Variants in GPR12 observed in about 807,000 individuals in gnomAD.
GPR12 encodes the protein G protein-coupled receptor 12.
A neutral mutation model predicts 18.9 loss-of-function variants in GPR12; 7 were observed. That is an observed-to-expected ratio of 0.37 (90% CI 0.21 to 0.70). The LOEUF is 0.70. Ranked by LOEUF, GPR12 falls within the 30% of genes least tolerant of loss-of-function variation. The probability of loss-of-function intolerance (pLI) is 0.54; values close to 1 mark genes in which losing one functional copy is unlikely to be tolerated. For missense variants in GPR12, 327 were observed against 427.7 expected (o/e 0.76, Z 2.08); for synonymous variants, 201 against 188.6 (o/e 1.07, Z -0.54).
chr13:26,758,635 A>G lies in GPR12; in HGVS notation c.*188T>C. On this transcript the variant is annotated 3_prime_UTR_variant, in exon 2 of 2. Coordinates refer to ENST00000405846, the MANE Select transcript of GPR12 (RefSeq NM_005288.4). ...CTCAACAATTTTTTTTAATGGTGAAAACACTGGTAACATTATTTTCACTTC... is the reference window on the plus strand; with the variant it reads ...CTCAACAATTTTTTTTAATGGTGAAGACACTGGTAACATTATTTTCACTTC... 1 of 904,992 alleles carries G rather than the reference A, an allele frequency of 1.1e-6. No individual in the cohort carries two copies. The highest frequency in any genetic ancestry group is 1.6e-6 in the Non-Finnish European group (1 of 631,894). 56.1% of individuals were successfully genotyped at this position (904,992 alleles called of 1,614,324 possible).
At position 26,759,099 on chromosome 13, in the gene GPR12, A is replaced by C; in HGVS notation, c.729T>G (p.Tyr243Ter). Residue 243 changes from tyrosine (Y) to a stop codon, truncating the protein, a stop_gained, in exon 2 of 2, where the codon TAT becomes TAG. Transcript: ENST00000405846. LOFTEE classifies it high-confidence loss of function. The part of the protein sequence containing the change: ...LQHHFLATSH[Y>*]VTTRKGVSTL... ...TGGAGACCCCTTTCCGGGTGGTCAC[A>C]TAGTGCGACGTGGCCAGGAAGTGGT... The C allele has an allele frequency of 6.2e-7, 1 of 1,613,960 alleles. No homozygotes were observed. Among genetic ancestry groups the C allele is most frequent in the Non-Finnish European group, 8.5e-7 (1 of 1,179,978 alleles).
rs1057035863 is a variant in GPR12 at position 26,756,888 on chromosome 13, T to G, written c.*1935A>C. 1 of 152,194 alleles carries G rather than the reference T, an allele frequency of 6.6e-6. No homozygotes were observed. Among genetic ancestry groups the G allele is most frequent in the African/African-American group, 2.4e-5 (1 of 41,442 alleles). The allele number at this position is 152,194 out of a possible 1,614,324, so 9.4% of individuals were successfully genotyped here. On this transcript the variant is annotated 3_prime_UTR_variant, in exon 2 of 2. Transcript: ENST00000405846. ...TCCTTTAAAACCTCATTACGGATAT[T>G]TCCTAGCCCCTCTCAAAACCAACTT...
Position 26,757,131 on chromosome 13 carries a change from G to A in GPR12, c.*1692C>T, listed in dbSNP as rs574242384. 3 of 152,120 alleles carry A rather than the reference G, an allele frequency of 2.0e-5. No individual in the cohort carries two copies. Among genetic ancestry groups the A allele is most frequent in the Non-Finnish European group, 4.4e-5 (3 of 68,030 alleles). 9.4% of individuals were successfully genotyped at this position (152,120 alleles called of 1,614,324 possible). On this transcript the variant is annotated 3_prime_UTR_variant, in exon 2 of 2. Coordinates refer to ENST00000405846, the MANE Select transcript of GPR12 (RefSeq NM_005288.4). ...CTCCTGCTTCCATAAGTAACCTCAG[G>A]GAGGAGACACAGATTCAAGTAGAGG...
chr13:26,759,228 G>A lies in GPR12; in HGVS notation c.600C>T (p.Ala200=), dbSNP rs745746976. The change falls in exon 2 of 2, where the codon GCC becomes GCT. Residue 200 remains alanine (A), a synonymous_variant. Transcript: ENST00000405846. ...VVRPLTKNNA[A]ILSVSFLFMF... ...TGAAGAGGAAGGACACCGAGAGGAT[G>A]GCCGCGTTGTTCTTGGTGAGCGGTC... 1.2e-6 allele frequency: 2 copies of A among 1,612,958 alleles called. No individual in the cohort carries two copies. Among genetic ancestry groups the A allele is most frequent in the East Asian group, 2.2e-5 (1 of 44,858 alleles).
Position 26,759,409 on chromosome 13 carries a change from A to T in GPR12, c.419T>A (p.Leu140His). 1.9e-6 allele frequency: 3 copies of T among 1,613,992 alleles called. No homozygotes were observed. The highest frequency in any genetic ancestry group is 2.5e-6 in the Non-Finnish European group (3 of 1,180,004). ...GTACGTCAGAGCGTAGTACAGTGAG[A>T]GGTAGCGGTCAACAGTGATAGCCAG... is the stretch of plus-strand genomic sequence containing the variant. The part of the protein sequence containing the change: ...SLLAITVDRY[L>H]SLYYALTYHS... The change falls in exon 2 of 2, where the codon CTC (leucine) becomes CAC (histidine). Residue 140 changes from leucine to histidine, a missense_variant. Physicochemically the swap from Leu to His is moderately conservative, Grantham distance 99. Coordinates refer to ENST00000405846, the MANE Select transcript of GPR12 (RefSeq NM_005288.4).
intron 1 of GPR12, chr13:26,760,227 G>T (rs1192686490): frequency 1.1e-5 from 2 of 177,940 alleles, no homozygotes; most frequent in Non-Finnish European, 2.7e-5. Context: ...AAAACCACGC[G>T]GCAGCGGCAG....
Position 26,757,046 on chromosome 13 carries a change from T to C in GPR12, c.*1777A>G, listed in dbSNP as rs137982629. 6.6e-6 allele frequency: 1 copy of C among 152,324 alleles called. No individual in the cohort carries two copies. The highest frequency in any genetic ancestry group is 2.4e-5 in the African/African-American group (1 of 41,572). 9.4% of individuals were successfully genotyped at this position (152,324 alleles called of 1,614,324 possible). A position where few individuals can be genotyped will look rare whatever the true frequency, so the allele number is the denominator to read the frequency against. On this transcript the variant is annotated 3_prime_UTR_variant, in exon 2 of 2. Coordinates refer to ENST00000405846, the MANE Select transcript of GPR12 (RefSeq NM_005288.4). ...TTTTAAAGGCATCAGTTTTATTAGA[T>C]TGATCATACAGTGGTATGTATTGAA...
chr13:26,755,794 A>C lies in GPR12; in HGVS notation c.*3029T>G, dbSNP rs746024374. The C allele has an allele frequency of 2.6e-5, 4 of 152,236 alleles. No individual in the cohort carries two copies. Among genetic ancestry groups the C allele is most frequent in the Non-Finnish European group, 5.9e-5 (4 of 68,036 alleles). 9.4% of individuals were successfully genotyped at this position (152,236 alleles called of 1,614,324 possible). On this transcript the variant is annotated 3_prime_UTR_variant, in exon 2 of 2. Coordinates refer to ENST00000405846, the MANE Select transcript of GPR12 (RefSeq NM_005288.4). ...TGGAACTGTCCTAGTTACAAGGATA[A>C]CTGTTTCTACTGGAAAAATATCAAT...
At position 26,757,463 on chromosome 13, in the gene GPR12, C is replaced by T. The variant is rs1323297753; in HGVS notation, c.*1360G>A. On this transcript the variant is annotated 3_prime_UTR_variant, in exon 2 of 2. Transcript: ENST00000405846. ...GCATGAACAGAAAAGAAACCTGAGA[C>T]ACATCGATTTTACAATGTGTTTAAA... The T allele has an allele frequency of 6.6e-6, 1 of 152,232 alleles. No homozygotes were observed. Among genetic ancestry groups the T allele is most frequent in the Non-Finnish European group, 1.5e-5 (1 of 68,044 alleles). The allele number at this position is 152,232 out of a possible 1,614,324, so 9.4% of individuals were successfully genotyped here. A position where few individuals can be genotyped will look rare whatever the true frequency, so the allele number is the denominator to read the frequency against.
Position 26,759,159 on chromosome 13 carries a change from A to G in GPR12, c.669T>C (p.Ile223=), listed in dbSNP as rs1257675509. ...MLQLYIQICK[I]VMRHAHQIAL... is the part of the protein sequence containing the mutation. Reference sequence around the variant, plus strand: ...CTATCTGATGGGCGTGCCTCATCACAATCTTACAGATCTGGATGTAGAGCT... The same window carrying G: ...CTATCTGATGGGCGTGCCTCATCACGATCTTACAGATCTGGATGTAGAGCT... The change falls in exon 2 of 2, where the codon ATT becomes ATC. Residue 223 remains isoleucine (I), a synonymous_variant. Coordinates refer to ENST00000405846, the MANE Select transcript of GPR12 (RefSeq NM_005288.4). The G allele has an allele frequency of 6.2e-7, 1 of 1,613,518 alleles. No individual in the cohort carries two copies. The highest frequency in any genetic ancestry group is 2.2e-5 in the East Asian group (1 of 44,860).
Position 26,759,541 on chromosome 13 carries a change from C to G in GPR12, c.287G>C (p.Gly96Ala). The G allele has an allele frequency of 6.2e-7, 1 of 1,614,154 alleles. No homozygotes were observed. The highest frequency in any genetic ancestry group is 8.5e-7 in the Non-Finnish European group (1 of 1,180,048). The change falls in exon 2 of 2, where the codon GGA becomes GCA. Residue 96 changes from glycine (G) to alanine (A), a missense_variant. Gly to Ala is a moderately conservative substitution (Grantham distance 60, BLOSUM62 0). Coordinates refer to ENST00000405846, the MANE Select transcript of GPR12 (RefSeq NM_005288.4). ...GGCAAAAACAAAATTGGTGATGAGTCCAATGCCGGCCAGCAGGTCTGCAAG... is the reference window on the plus strand; with the variant it reads ...GGCAAAAACAAAATTGGTGATGAGTGCAATGCCGGCCAGCAGGTCTGCAAG... Reference protein sequence around the residue: ...LALADLLAGIGLITNFVFAYL... With the variant: ...LALADLLAGIALITNFVFAYL...
rs766506720 is a variant in GPR12 at position 26,759,816 on chromosome 13, G to A, written c.12C>T (p.Asp4=). Residue 4 remains aspartate, a synonymous_variant, in exon 2 of 2, where the codon GAC becomes GAT. Transcript: ENST00000405846. ...GCAGCCCGCTTAAATTGACCTTCAGGTCTTCATTCATTTTAACCCCTGTCC... is the reference window on the plus strand; with the variant it reads ...GCAGCCCGCTTAAATTGACCTTCAGATCTTCATTCATTTTAACCCCTGTCC... MNE[D]LKVNLSGLPR... 1 of 1,581,968 alleles carries A rather than the reference G, an allele frequency of 6.3e-7. No individual in the cohort carries two copies. Among genetic ancestry groups the A allele is most frequent in the African/African-American group, 1.4e-5 (1 of 73,796 alleles).
intron 1 of GPR12, chr13:26,760,349 C>T (rs1489481870): frequency 6.0e-6 from 1 of 166,452 alleles, no homozygotes. Flanking sequence ...CAAACGCACC[C>T]CCGACCGGAA....
Position 26,758,431 on chromosome 13 carries a change from T to C in GPR12, c.*392A>G, listed in dbSNP as rs1780786744. ...CTGGAAAAAGTAAGTCTTTCTCAAT[T>C]TTCCTCAATCACTCAAATTTATTTT... On this transcript the variant is annotated 3_prime_UTR_variant, in exon 2 of 2. Coordinates refer to ENST00000405846, the MANE Select transcript of GPR12 (RefSeq NM_005288.4). 1 of 167,794 alleles carries C rather than the reference T, an allele frequency of 6.0e-6. No homozygotes were observed. The highest frequency in any genetic ancestry group is 1.3e-5 in the Non-Finnish European group (1 of 78,434). The allele number at this position is 167,794 out of a possible 1,614,324, so 10.4% of individuals were successfully genotyped here.
In GPR12 at chr13:26,758,970, G is replaced by T; in HGVS notation, c.858C>A (p.Thr286=). ...TGGAATTGTAGGTGGCGGGCAGGAG[G>T]GTGGCGTAGGTATAGATGGAGGGGT... The part of the protein sequence containing the change: ...YTYPSIYTYA[T]LLPATYNSII... Residue 286 remains threonine, a synonymous_variant, in exon 2 of 2, where the codon ACC becomes ACA. Coordinates refer to ENST00000405846, the MANE Select transcript of GPR12 (RefSeq NM_005288.4). 1 of 1,614,084 alleles carries T rather than the reference G, an allele frequency of 6.2e-7. No homozygotes were observed. Among genetic ancestry groups the T allele is most frequent in the South Asian group, 1.1e-5 (1 of 91,072 alleles).
In GPR12 at chr13:26,759,807, G is replaced by C. The variant is rs947107332; in HGVS notation, c.21C>G (p.Val7=). 2 of 1,589,724 alleles carry C rather than the reference G, an allele frequency of 1.3e-6. No homozygotes were observed. The highest frequency in any genetic ancestry group is 3.5e-5 in the Admixed American group (2 of 57,738). The change falls in exon 2 of 2, where the codon GTC becomes GTG. Residue 7 remains valine, a synonymous_variant. Coordinates refer to ENST00000405846, the MANE Select transcript of GPR12 (RefSeq NM_005288.4). MNEDLK[V]NLSGLPRDYL... Reference sequence around the variant, plus strand: ...AATCCCGAGGCAGCCCGCTTAAATTGACCTTCAGGTCTTCATTCATTTTAA... The same window carrying C: ...AATCCCGAGGCAGCCCGCTTAAATTCACCTTCAGGTCTTCATTCATTTTAA...
intron 1 of GPR12, chr13:26,760,328 G>C (rs1009196162): frequency 5.9e-6 from 1 of 168,662 alleles, no homozygotes; most frequent in Non-Finnish European, 1.4e-5. Context: ...CCCCGCGCGC[G>C]TGCACATCCT....
Position 26,759,393 on chromosome 13 carries a change from A to T in GPR12, c.435T>A (p.Ala145=), listed in dbSNP as rs1365461058. ...CCGTCCTCTCCGAATGGTACGTCAG[A>T]GCGTAGTACAGTGAGAGGTAGCGGT... ...TVDRYLSLYY[A]LTYHSERTVT... The change falls in exon 2 of 2, where the codon GCT becomes GCA. Residue 145 remains alanine, a synonymous_variant. Transcript: ENST00000405846. 4 of 1,614,018 alleles carry T rather than the reference A, an allele frequency of 2.5e-6. No homozygotes were observed. The East Asian group carries it at 8.9e-5, about 36-fold the overall frequency.
chr13:26,758,934 A>T lies in GPR12; in HGVS notation c.894T>A (p.Pro298=). 1 of 1,614,118 alleles carries T rather than the reference A, an allele frequency of 6.2e-7. No homozygotes were observed. Among genetic ancestry groups the T allele is most frequent in the Non-Finnish European group, 8.5e-7 (1 of 1,180,014 alleles). The change falls in exon 2 of 2, where the codon CCT becomes CCA. Residue 298 remains proline (P), a synonymous_variant. Transcript: ENST00000405846. ...CTTGGTTTCTGAAAGCATATATGAC[A>T]GGGTTGATGATGGAATTGTAGGTGG... ...LPATYNSIIN[P]VIYAFRNQEI... is the part of the protein sequence containing the mutation.
Sources: gnomAD v4.1 joint callset for allele counts on GRCh38, gnomAD v4.1.1 for gene constraint, MANE v1.5 for transcripts, NCBI Gene and HGNC (gene_info 2026-07-23, HGNC 2026-07-21) for gene names.